Variants in KRT40 observed in about 807,000 individuals in gnomAD.
KRT40 encodes keratin 40.
KRT40 carries 47 observed loss-of-function variants against 43.5 expected under a neutral mutation model. That is an observed-to-expected ratio of 1.08 (90% CI 0.86 to 1.38). The LOEUF (loss-of-function observed/expected upper bound fraction) is 1.38. Ranked by LOEUF, KRT40 falls within the 40% of genes most tolerant of loss-of-function variation. The pLI is 0.00. For synonymous variants in KRT40, 212 were observed against 214.0 expected, an observed-to-expected ratio of 0.99 and a Z score of 0.08; for missense variants, 573 against 523.6, an observed-to-expected ratio of 1.09 and a Z score of -0.92.
rs1218214820 is a variant in KRT40, at chr17:40,984,150, G to C, written c.124C>G (p.Arg42Gly). The change falls in exon 1 of 7, where the codon CGA becomes GGA. Residue 42 changes from arginine to glycine, a missense_variant. Transcript: ENST00000377755. ...GATAGGAAGCTTGGAGTCTGACATCGGGATGTAGCACAGGTACCGGGGAGA... is the reference window on the plus strand; with the variant it reads ...GATAGGAAGCTTGGAGTCTGACATCCGGATGTAGCACAGGTACCGGGGAGA... ...ACLPGTCATSRCQTPSFLSRS... is the reference protein window; with the variant it reads ...ACLPGTCATSGCQTPSFLSRS... 5.0e-6 allele frequency: 8 copies of C among 1,613,936 alleles called. 1 individual carries two copies. In the East Asian group the frequency reaches 1.6e-4, roughly 31 times the overall value.
At position 40,978,799 on chromosome 17, in the gene KRT40, C is replaced by T. The variant is rs747548638; in HGVS notation, c.1196+5G>A. 1.5e-5 allele frequency: 24 copies of T among 1,608,928 alleles called. No individual in the cohort carries two copies. Among genetic ancestry groups the T allele is most frequent in the Non-Finnish European group, 1.7e-5 (20 of 1,177,568 alleles). On this transcript the variant is annotated splice_donor_5th_base_variant and intron_variant, in intron 6 of 6. Transcript: ENST00000377755. ...GGGGATTTCATGAGTAACTGTGGAACTTGCCTGCTGTCCTCGCTGTCCAGC... is the reference window on the plus strand; with the variant it reads ...GGGGATTTCATGAGTAACTGTGGAATTTGCCTGCTGTCCTCGCTGTCCAGC...
chr17:40,982,967 C>A, intron 2 of KRT40, 79 bp downstream of exon 2: 2 of 658,722 alleles, frequency 3.0e-6, no homozygotes, highest in Non-Finnish European at 5.3e-6. Context: ...GAGATAGCAC[C>A]ATTGAGCTCT....
At chr17:40,983,738 T>C (rs1362619474) in intron 1 of KRT40, 89 bp downstream of exon 1, 4 of 1,328,642 alleles carry the variant, frequency 3.0e-6, no homozygotes, top group Non-Finnish European at 4.2e-6. Flanking sequence ...TTTCCCTTGG[T>C]TTCCTTCTGT....
upstream of KRT40, chr17:40,986,279 A>C (rs1227940911): frequency 6.6e-6 from 1 of 152,424 alleles, no homozygotes; most frequent in Admixed American, 6.5e-5. Context: ...ACAAAGAAAG[A>C]AAGCAGGTAA....
rs554170828 is a variant in KRT40 at position 40,981,064 on chromosome 17, C to A, written c.775G>T (p.Asp259Tyr). ...APTLDLNRVL[D>Y]EMRCQCETVL... ...GTTTCACACTGACAGCGCATCTCAT[C>A]CAGGACCCTGTTGAGGTCAAGGGTG... The change falls in exon 4 of 7, where the codon GAT (aspartate) becomes TAT (tyrosine). Residue 259 changes from aspartate (D) to tyrosine (Y), a missense_variant. Asp to Tyr is a radical substitution (Grantham distance 160). Coordinates refer to ENST00000377755, the MANE Select transcript of KRT40 (RefSeq NM_001389244.1). The A allele has an allele frequency of 5.0e-6, 8 of 1,614,234 alleles. No individual in the cohort carries two copies. In the South Asian group the frequency reaches 6.6e-5, roughly 13 times the overall value.
chr17:40,984,344 G>T, upstream of KRT40: 2 of 1,229,836 alleles, frequency 1.6e-6, no homozygotes, highest in Non-Finnish European at 2.3e-6. Context: ...CTCCTCTCCT[G>T]AGAGTTTTAT....
At chr17:40,984,436 A>G (rs1267114618), upstream of KRT40, 3 of 603,438 alleles carry the variant, frequency 5.0e-6, no homozygotes, top group African/African-American at 5.6e-5. Context: ...CAAACATCTC[A>G]TTAGAGTTGT....
chr17:40,980,345 G>T (rs2143670806), intron 5 of KRT40, among the ~76,000 whole-genome samples: 1 of 152,304 alleles, frequency 6.6e-6, no homozygotes, highest in East Asian at 1.9e-4. Flanking sequence ...AACGCATGGT[G>T]TTCCTGTTGC....
intron 3 of KRT40, 82 bp downstream of exon 3, chr17:40,982,225 G>A (rs11078974): frequency 0.28 from 369,205 of 1,296,166 alleles, 57,653 homozygotes; most frequent in African/African-American, 0.63. Context: ...GCCCAAATTC[G>A]ATTTACAAAC....
Position 40,980,823 on chromosome 17 carries a change from T to C in KRT40, c.937A>G (p.Ser313Gly). Residue 313 changes from serine (S) to glycine (G), a missense_variant, in exon 5 of 7, where the codon AGT (serine) becomes GGT (glycine). By Grantham distance (56) the Ser-to-Gly change is moderately conservative. Transcript: ENST00000377755. ...MEILELKRTA[S>G]ALEIELQAQQ... ...GCTTGGAGCTCAATTTCCAGAGCACTGGCTGTGCGTTTCAGTTCCAAGATC... is the reference window on the plus strand; with the variant it reads ...GCTTGGAGCTCAATTTCCAGAGCACCGGCTGTGCGTTTCAGTTCCAAGATC... 6.2e-7 allele frequency: 1 copy of C among 1,612,272 alleles called. No individual in the cohort carries two copies. The highest frequency in any genetic ancestry group is 8.5e-7 in the Non-Finnish European group (1 of 1,179,890).
At position 40,982,293 on chromosome 17, in the gene KRT40, GC is replaced by G. The variant is rs764988090; in HGVS notation, c.687+13del. The G allele has an allele frequency of 2.6e-6, 4 of 1,533,106 alleles. No individual in the cohort carries two copies. In the Admixed American group the frequency reaches 8.7e-5, roughly 33 times the overall value. 95.0% of individuals were successfully genotyped at this position (1,533,106 alleles called of 1,614,324 possible). A position where few individuals can be genotyped will look rare whatever the true frequency, so the allele number is the denominator to read the frequency against. On this transcript the variant is annotated intron_variant, in intron 3 of 6. Coordinates refer to ENST00000377755, the MANE Select transcript of KRT40 (RefSeq NM_001389244.1). ...ACTCTCGGAGTCCTTCAGCGGAGTT[GC>G]CACTTTCCTTACCTCTTCATGGTTT...
At position 40,984,208 on chromosome 17, in the gene KRT40, T is replaced by C; in HGVS notation, c.66A>G (p.Ala22=). Residue 22 remains alanine, a synonymous_variant, in exon 1 of 7, where the codon GCA becomes GCG. Coordinates refer to ENST00000377755, the MANE Select transcript of KRT40 (RefSeq NM_001389244.1). ...TTTCCACGGAGCAGCTTGAGGCAGG[T>C]GCACAACCGGAAGCCGTGCCACAGG... The part of the protein sequence containing the change: ...PESCGTASGC[A]PASSCSVETA... The C allele has an allele frequency of 6.2e-7, 1 of 1,613,668 alleles. No individual in the cohort carries two copies. The highest frequency in any genetic ancestry group is 2.2e-5 in the East Asian group (1 of 44,846).
In KRT40 at chr17:40,980,924, A is replaced by G; in HGVS notation, c.850-14T>C. 1 of 1,614,122 alleles carries G rather than the reference A, an allele frequency of 6.2e-7. No individual in the cohort carries two copies. The highest frequency in any genetic ancestry group is 8.5e-7 in the Non-Finnish European group (1 of 1,180,028). The stretch of plus-strand genomic sequence containing the variant: ...CAGCTCTTCTGTCTGAAACACAGAC[A>G]CCATTAGAGAATTCAAAAAAGGCAG... On this transcript the variant is annotated splice_polypyrimidine_tract_variant and intron_variant, in intron 4 of 6. Transcript: ENST00000377755.
chr17:40,981,419 T>C, intron 3 of KRT40: 2 of 651,768 alleles, frequency 3.1e-6, no homozygotes, highest in Non-Finnish European at 5.5e-6. Context: ...TAAAAGTTAA[T>C]TATGACACAT....
chr17:40,979,696 T>C (rs377214657), intron 5 of KRT40, among the ~76,000 whole-genome samples: 4 of 152,154 alleles, frequency 2.6e-5, no homozygotes, highest in Admixed American at 6.5e-5. Flanking sequence ...AGGGGTAGTA[T>C]AGTGCTATTA....
intron 1 of KRT40, 145 bp from the exon 2 acceptor site, chr17:40,983,273 C>G (rs1033605999): frequency 2.0e-6 from 1 of 488,672 alleles, no homozygotes; most frequent in Non-Finnish European, 3.7e-6. Flanking sequence ...TTTTATTAAC[C>G]TTGTCACTTC....
In KRT40 at chr17:40,982,380, C is replaced by T; in HGVS notation, c.614G>A (p.Cys205Tyr). 6.2e-7 allele frequency: 1 copy of T among 1,611,886 alleles called. No individual in the cohort carries two copies. The highest frequency in any genetic ancestry group is 1.1e-5 in the South Asian group (1 of 90,684). The stretch of plus-strand genomic sequence containing the variant: ...CACATGGGCCTCCAGATCAGATTTG[C>T]ACAGGGTCAGTTCCTCCAGGATCCC... ...LHGILEELTLCKSDLEAHVES... is the reference protein window; with the variant it reads ...LHGILEELTLYKSDLEAHVES... The change falls in exon 3 of 7, where the codon TGC (cysteine) becomes TAC (tyrosine). Residue 205 changes from cysteine (C) to tyrosine (Y), a missense_variant. Coordinates refer to ENST00000377755, the MANE Select transcript of KRT40 (RefSeq NM_001389244.1).
At chr17:40,984,860 A>AGTTGTGTGTGTGTGT (rs551051327), upstream of KRT40, among the ~76,000 whole-genome samples, 1,027 of 151,550 alleles carry the variant, frequency 6.8e-3, 9 homozygotes, top group African/African-American at 0.023. Flanking sequence ...TTGGGTTTAA[A>AGTTGTGTGTGTGTGT]GTGTGTGTGT....
chr17:40,981,213 A>T, intron 3 of KRT40, 62 bp from the exon 4 acceptor site: 1 of 1,610,136 alleles, frequency 6.2e-7, no homozygotes, highest in Non-Finnish European at 8.5e-7. Context: ...TTTGACATCC[A>T]ATGGCATTCT....
Sources: allele counts gnomAD v4.1 joint callset (sites outside exome capture counted in the v4.1 genomes callset), GRCh38; gene constraint gnomAD v4.1.1; transcripts MANE v1.5; gene names NCBI Gene and HGNC (gene_info 2026-07-23, HGNC 2026-07-21).